The following HSD3B2 variants were observed in gnomAD, a reference collection of about 807,000 sequenced individuals.
The protein encoded by HSD3B2 is 3 beta-hydroxysteroid dehydrogenase/Delta 5-->4-isomerase type 2.
A neutral mutation model predicts 9.9 loss-of-function variants in HSD3B2; 8 were observed. The ratio of observed to expected loss-of-function variants is 0.81; its 90% CI spans 0.47 to 1.46. HSD3B2 has a LOEUF of 1.46. Ranked by LOEUF, HSD3B2 falls within the 40% of genes most tolerant of loss-of-function variation. The pLI is 0.00. For synonymous variants in HSD3B2, 221 were observed against 184.5 expected, an observed-to-expected ratio of 1.20 and a Z score of -1.60; for missense variants, 410 against 448.3, an observed-to-expected ratio of 0.91 and a Z score of 0.77.
At position 119,423,005 on chromosome 1, in the gene HSD3B2, A is replaced by G; in HGVS notation, c.*385A>G. 2 of 339,406 alleles carry G rather than the reference A, an allele frequency of 5.9e-6. No homozygotes were observed. The highest frequency in any genetic ancestry group is 5.5e-6 in the Non-Finnish European group (1 of 183,054). 21.0% of individuals were successfully genotyped at this position (339,406 alleles called of 1,614,324 possible). ...TTCCTTCACACAGTTCAACATAAAG[A>G]GCAATAAATGTTTTAATGCTTAACA... On this transcript the variant is annotated 3_prime_UTR_variant, in exon 4 of 4. Coordinates refer to ENST00000369416, the MANE Select transcript of HSD3B2 (RefSeq NM_000198.4).
chr1:119,421,576 A>G (rs2101348587), intron 3 of HSD3B2, among the ~76,000 whole-genome samples: 1 of 149,900 alleles, frequency 6.7e-6, no homozygotes, highest in Middle Eastern at 3.5e-3. Context: ...ATGAAACCCA[A>G]AAGTCTAGAA....
Position 119,422,334 on chromosome 1 carries a change from G to T in HSD3B2, c.833G>T (p.Arg278Leu). Residue 278 changes from arginine to leucine, a missense_variant, in exon 4 of 4, where the codon CGC (arginine) becomes CTC (leucine). Coordinates refer to ENST00000369416, the MANE Select transcript of HSD3B2 (RefSeq NM_000198.4). ...ATCCTGAGCAAAGAGTTTGGCCTCC[G>T]CCTTGATTCCAGATGGAGCCTTCCT... ...NYILSKEFGL[R>L]LDSRWSLPLT... is the part of the protein sequence containing the mutation. The T allele has an allele frequency of 6.2e-7, 1 of 1,614,142 alleles. No homozygotes were observed. Among genetic ancestry groups the T allele is most frequent in the Non-Finnish European group, 8.5e-7 (1 of 1,180,002 alleles).
chr1:119,414,960 T>G (rs892110415), upstream of HSD3B2: 5 of 222,796 alleles, frequency 2.2e-5, no homozygotes, highest in African/African-American at 1.1e-4. Context: ...TTTATCACAC[T>G]GTGGCCTTAA....
chr1:119,415,552 G>C lies in HSD3B2; in HGVS notation c.133G>C (p.Glu45Gln). Residue 45 changes from glutamate (E) to glutamine (Q), a missense_variant, in exon 2 of 4, where the codon GAA becomes CAA. Glu to Gln is a conservative substitution (Grantham distance 29). Transcript: ENST00000369416. Reference sequence around the variant, plus strand: ...GGCCTTCAGACCAGAATTGAGAGAGGAATTTTCTAGTAAGTAAACTTGAGT... The same window carrying C: ...GGCCTTCAGACCAGAATTGAGAGAGCAATTTTCTAGTAAGTAAACTTGAGT... ...DKAFRPELRE[E>Q]FSKLQNRTKL... 2 of 1,613,772 alleles carry C rather than the reference G, an allele frequency of 1.2e-6. No individual in the cohort carries two copies. Among genetic ancestry groups the C allele is most frequent in the African/African-American group, 1.3e-5 (1 of 74,998 alleles).
At chr1:119,421,727 A>C (rs1408436628) in intron 3 of HSD3B2, 82 bp from the exon 4 acceptor site, 4 of 1,454,144 alleles carry the variant, frequency 2.8e-6, no homozygotes, top group South Asian at 1.1e-5. Flanking sequence ...GGGAGTGGGG[A>C]GTGGGGCACA....
chr1:119,422,261 T>G lies in HSD3B2; in HGVS notation c.760T>G (p.Tyr254Asp), dbSNP rs1411029929. The G allele has an allele frequency of 4.3e-6, 7 of 1,614,084 alleles. No individual in the cohort carries two copies. The highest frequency in any genetic ancestry group is 5.9e-6 in the Non-Finnish European group (7 of 1,180,010). ...KAPSVRGQFY[Y>D]ISDDTPHQSY... is the part of the protein sequence containing the mutation. The stretch of plus-strand genomic sequence containing the variant: ...CCCAAGTGTCCGAGGTCAATTCTAT[T>G]ACATCTCAGATGACACGCCTCACCA... The change falls in exon 4 of 4, where the codon TAC (tyrosine) becomes GAC (aspartate). Residue 254 changes from tyrosine (Y) to aspartate (D), a missense_variant. Transcript: ENST00000369416.
At chr1:119,419,890 C>T (rs587665199) in intron 3 of HSD3B2, 7 of 374,770 alleles carry the variant, frequency 1.9e-5, no homozygotes, top group Admixed American at 7.7e-5. Context: ...ACTGTGGCCC[C>T]AATCAAAAGT....
chr1:119,417,792 C>T (rs1038566137), intron 2 of HSD3B2, among the ~76,000 whole-genome samples: 6 of 152,168 alleles, frequency 3.9e-5, no homozygotes, highest in South Asian at 4.1e-4. Context: ...TACTCTTTCT[C>T]AGAAAAGTTG....
At chr1:119,419,971 C>T (rs797010602) in intron 3 of HSD3B2, 20 of 318,428 alleles carry the variant, frequency 6.3e-5, no homozygotes, top group African/African-American at 3.9e-4. Flanking sequence ...ATCAGACCTT[C>T]CAGGTGCCAC....
intron 2 of HSD3B2, 135 bp from the exon 3 acceptor site, chr1:119,419,283 A>G (rs1386916500): frequency 2.5e-6 from 2 of 794,840 alleles, no homozygotes; most frequent in Non-Finnish European, 2.1e-6. Flanking sequence ...TGTTCCTTTT[A>G]TGGAATGTAG....
intron 3 of HSD3B2, among the ~76,000 whole-genome samples, chr1:119,420,757 A>G (rs3753258): frequency 0.21 from 32,098 of 152,124 alleles, 4,709 homozygotes; most frequent in African/African-American, 0.41. Flanking sequence ...TTCCTTCTTC[A>G]AGGGAAGACA....
rs1651671700 is a variant in HSD3B2, at chr1:119,415,294, C to T, written c.-89-37C>T. On this transcript the variant is annotated intron_variant, in intron 1 of 3. Transcript: ENST00000369416. ...AATGGGGTGGAGGAAAATAAGGCAT[C>T]TGCTGAGTGTATAACCATTTTACCT... 7 of 969,784 alleles carry T rather than the reference C, an allele frequency of 7.2e-6. No individual in the cohort carries two copies. In the South Asian group the frequency reaches 8.1e-5, roughly 11 times the overall value. The allele number at this position is 969,784 out of a possible 1,614,324, so 60.1% of individuals were successfully genotyped here.
upstream of HSD3B2, chr1:119,415,044 G>C (rs1276760435): frequency 3.2e-6 from 1 of 317,160 alleles, no homozygotes; most frequent in African/African-American, 2.1e-5. Flanking sequence ...CTGAGAAAAG[G>C]GATTCTGGAG....
At chr1:119,418,452 T>C (rs1423194544) in intron 2 of HSD3B2, among the ~76,000 whole-genome samples, 1 of 151,996 alleles carries the variant, frequency 6.6e-6, no homozygotes, top group Non-Finnish European at 1.5e-5. Context: ...TCCCCTCCTC[T>C]GCTTCCACTG....
chr1:119,419,539 T>C lies in HSD3B2; in HGVS notation c.264T>C (p.Phe88=), dbSNP rs1263886994. ...VIHTACIIDV[F]GVTHRESIMN... ...ACACCGCCTGTATCATTGATGTCTT[T>C]GGTGTCACTCACAGAGAGTCCATCA... is the stretch of plus-strand genomic sequence containing the variant. The change falls in exon 3 of 4, where the codon TTT becomes TTC. Residue 88 remains phenylalanine (F), a synonymous_variant. Coordinates refer to ENST00000369416, the MANE Select transcript of HSD3B2 (RefSeq NM_000198.4). 4 of 1,613,848 alleles carry C rather than the reference T, an allele frequency of 2.5e-6. No homozygotes were observed. The highest frequency in any genetic ancestry group is 4.5e-5 in the East Asian group (2 of 44,850).
At chr1:119,416,583 C>T (rs991820806) in intron 2 of HSD3B2, among the ~76,000 whole-genome samples, 6 of 152,170 alleles carry the variant, frequency 3.9e-5, no homozygotes, top group Non-Finnish European at 8.8e-5. Context: ...TTCAGTCTCT[C>T]CCTTTGCCTC....
intron 1 of HSD3B2, 28 bp from the exon 2 acceptor site, chr1:119,415,303 G>A: frequency 9.3e-7 from 1 of 1,080,950 alleles, no homozygotes. Context: ...TCTGCTGAGT[G>A]TATAACCATT....
rs1651864981 is a variant in HSD3B2 at position 119,421,452 on chromosome 1, T to A, written c.308-357T>A. ...GTATATATATATATGTATATATATA[T>A]GTATATATATATGTATATATATATG... is the stretch of plus-strand genomic sequence containing the variant. On this transcript the variant is annotated intron_variant, in intron 3 of 3. Transcript: ENST00000369416. 7.8e-4 allele frequency among the ~76,000 whole-genome samples: 9 copies of A among 11,520 alleles called. 1 individual carries two copies. The highest frequency in any genetic ancestry group is 1.2e-3 in the Non-Finnish European group (9 of 7,278). The allele number at this position is 11,520 out of a possible 152,430, so 7.6% of individuals were successfully genotyped here.
chr1:119,419,792 C>T, intron 3 of HSD3B2: 2 of 586,204 alleles, frequency 3.4e-6, no homozygotes, highest in Non-Finnish European at 6.1e-6. Context: ...AGTAACTTGT[C>T]CAAGGCCCCA....
Sources: gnomAD v4.1 joint callset for allele counts (sites outside exome capture counted in the v4.1 genomes callset) on GRCh38, gnomAD v4.1.1 for gene constraint, MANE v1.5 for transcripts, NCBI Gene and HGNC (gene_info 2026-07-23, HGNC 2026-07-21) for gene names.